The following P4HA3 variants were observed in gnomAD, a reference collection of about 807,000 sequenced individuals.
P4HA3 encodes the protein prolyl 4-hydroxylase subunit alpha-3.
A neutral mutation model predicts 66.7 loss-of-function variants in P4HA3; 60 were observed. That is an observed-to-expected ratio of 0.90 (90% CI 0.73 to 1.12). The LOEUF (loss-of-function observed/expected upper bound fraction) is 1.12. Ranked by LOEUF, P4HA3 falls within the 50% of genes most tolerant of loss-of-function variation. P4HA3 has a pLI of 0.00. For synonymous variants in P4HA3, 263 were observed against 274.6 expected (o/e 0.96, Z 0.42); for missense variants, 683 against 685.8 (o/e 1.00, Z 0.05).
At chr11:74,266,110 G>C (rs1289096565), downstream of P4HA3, among the ~76,000 whole-genome samples, 4 of 152,280 alleles carry the variant, frequency 2.6e-5, no homozygotes, top group East Asian at 7.7e-4. Flanking sequence ...GGCCTGAGAA[G>C]TGGGAGTGAA....
At position 74,311,472 on chromosome 11, in the gene P4HA3, AGCCGGCGCTCG is replaced by A; in HGVS notation, c.129_139del (p.Glu44AlafsTer20). 6.5e-7 allele frequency: 1 copy of A among 1,535,920 alleles called. No homozygotes were observed. The highest frequency in any genetic ancestry group is 8.7e-7 in the Non-Finnish European group (1 of 1,148,304). ...CAGGTACCGCCTCAGCAGCCCCAGC[AGCCGGCGCTCG>A]GGCGCCAGGGCGCGCGCCACGCTGG... On this transcript the variant is annotated frameshift_variant, in exon 1 of 13. Transcript: ENST00000331597. LOFTEE classifies it high-confidence loss of function.
chr11:74,298,617 G>A (rs1407875560), intron 3 of P4HA3, among the ~76,000 whole-genome samples: 1 of 152,102 alleles, frequency 6.6e-6, no homozygotes, highest in African/African-American at 2.4e-5. Flanking sequence ...CTCTAATTTG[G>A]GACAGAATAT....
Position 74,267,032 on chromosome 11 carries a change from C to A in P4HA3, c.*216G>T. On this transcript the variant is annotated 3_prime_UTR_variant, in exon 13 of 13. Coordinates refer to ENST00000331597, the MANE Select transcript of P4HA3 (RefSeq NM_182904.5). ...CTCCCCCCTCCTTTGTACTGTGCATCCTACTCTGACTTCCGTGGCTGGGGC... is the reference window on the plus strand; with the variant it reads ...CTCCCCCCTCCTTTGTACTGTGCATACTACTCTGACTTCCGTGGCTGGGGC... The A allele has an allele frequency of 6.5e-7, 1 of 1,533,106 alleles. No individual in the cohort carries two copies. Among genetic ancestry groups the A allele is most frequent in the East Asian group, 2.4e-5 (1 of 40,908 alleles). 95.0% of individuals were successfully genotyped at this position (1,533,106 alleles called of 1,614,324 possible).
At chr11:74,305,330 T>C (rs1459613239) in intron 1 of P4HA3, among the ~76,000 whole-genome samples, 4 of 152,164 alleles carry the variant, frequency 2.6e-5, no homozygotes, top group Non-Finnish European at 5.9e-5. Flanking sequence ...GCTCCTACCA[T>C]GTATTGGCCT....
intron 1 of P4HA3, among the ~76,000 whole-genome samples, chr11:74,308,308 T>C (rs1403450736): frequency 6.6e-6 from 1 of 151,250 alleles, no homozygotes; most frequent in African/African-American, 2.4e-5. Context: ...AGGTCAGGAG[T>C]TCAAGACCAG....
rs1417775461 is a variant in P4HA3, at chr11:74,292,859, C to T, written c.718-3729G>A. ...TTTACATTTGCTGAGGAGTGCTTTACTTCCAACTATGTGGTCAATTTTGGA... is the reference window on the plus strand; with the variant it reads ...TTTACATTTGCTGAGGAGTGCTTTATTTCCAACTATGTGGTCAATTTTGGA... On this transcript the variant is annotated intron_variant, in intron 4 of 12. Transcript: ENST00000331597. Among the ~76,000 whole-genome samples, 6 of 151,966 alleles carry T rather than the reference C, an allele frequency of 3.9e-5. No individual in the cohort carries two copies. The East Asian group carries it at 1.2e-3, about 29-fold the overall frequency.
chr11:74,295,748 A>G (rs957408764), intron 4 of P4HA3, among the ~76,000 whole-genome samples: 6 of 152,210 alleles, frequency 3.9e-5, no homozygotes, highest in African/African-American at 1.2e-4. Context: ...TAGGCCACAG[A>G]GAACCTAACC....
chr11:74,260,072 T>C (rs1169910321), exon 15 of P4HA3: 1 of 152,234 alleles, frequency 6.6e-6, no homozygotes, highest in Non-Finnish European at 1.5e-5. Context: ...GTGACACTTA[T>C]TTTCTGTTTT....
Position 74,285,974 on chromosome 11 carries a change from G to C in P4HA3, c.945C>G (p.Tyr315Ter). The C allele has an allele frequency of 1.9e-6, 3 of 1,607,510 alleles. No individual in the cohort carries two copies. Among genetic ancestry groups the C allele is most frequent in the Non-Finnish European group, 2.6e-6 (3 of 1,174,070 alleles). ...CQTLGSQPTL[Y>*]QIPSLYCSYE... ...AGGAACAGTAGAGGCTAGGGATCTG[G>C]TAGAGAGTGGGCTGGAAGGAAAGAA... The change falls in exon 7 of 13, where the codon TAC becomes TAG. Residue 315 changes from tyrosine to a stop codon, truncating the protein, a stop_gained. Transcript: ENST00000331597. LOFTEE classifies it high-confidence loss of function.
At chr11:74,253,546 T>C in intron 15 of P4HA3, 1 of 1,581,742 alleles carries the variant, frequency 6.3e-7, no homozygotes, top group South Asian at 1.1e-5. Flanking sequence ...CATCGAGCTC[T>C]GTTGTAAATA....
At chr11:74,262,257 C>A (rs185018209), downstream of P4HA3, among the ~76,000 whole-genome samples, 51 of 152,242 alleles carry the variant, frequency 3.3e-4, no homozygotes, top group Non-Finnish European at 6.3e-4. Context: ...ACCAGGCTAC[C>A]CATTTCTAAT....
chr11:74,277,092 T>C lies in P4HA3; in HGVS notation c.1228A>G (p.Ile410Val). The change falls in exon 9 of 13, where the codon ATT (isoleucine) becomes GTT (valine). Residue 410 changes from isoleucine (I) to valine (V), a missense_variant. Ile to Val is a conservative substitution (Grantham distance 29). Coordinates refer to ENST00000331597, the MANE Select transcript of P4HA3 (RefSeq NM_182904.5). ...DPKLVTLNHR[I>V]AALTGLDVRP... The stretch of plus-strand genomic sequence containing the variant: ...ACATCAAGGCCTGTGAGGGCAGCAA[T>C]GCGGTGGTTGAGGGTCACCAGTTTT... 1.2e-6 allele frequency: 2 copies of C among 1,614,064 alleles called. No individual in the cohort carries two copies. The highest frequency in any genetic ancestry group is 1.7e-6 in the Non-Finnish European group (2 of 1,179,986).
At chr11:74,300,596 A>T (rs1757235218) in intron 3 of P4HA3, among the ~76,000 whole-genome samples, 1 of 152,196 alleles carries the variant, frequency 6.6e-6, no homozygotes, top group South Asian at 2.1e-4. Context: ...TGATTGTGTC[A>T]CTGCACTTAC....
At chr11:74,300,640 AAG>A (rs1472096692) in intron 3 of P4HA3, among the ~76,000 whole-genome samples, 4 of 152,186 alleles carry the variant, frequency 2.6e-5, no homozygotes, top group East Asian at 1.9e-4. Context: ...AGAAAACAAA[AAG>A]AATTTCATAA....
downstream of P4HA3, among the ~76,000 whole-genome samples, chr11:74,262,506 C>T (rs1427365305): frequency 6.6e-5 from 10 of 152,248 alleles, no homozygotes; most frequent in South Asian, 1.5e-3. Context: ...GTTAGGGGAA[C>T]GGGGAGACTT....
At chr11:74,261,888 T>C (rs562141950), downstream of P4HA3, among the ~76,000 whole-genome samples, 1 of 152,290 alleles carries the variant, frequency 6.6e-6, no homozygotes, top group South Asian at 2.1e-4. Flanking sequence ...CTATGGCGCT[T>C]TGGAAAAAGC....
chr11:74,280,516 A>T (rs1245146504), intron 7 of P4HA3, among the ~76,000 whole-genome samples: 1 of 152,176 alleles, frequency 6.6e-6, no homozygotes, highest in Non-Finnish European at 1.5e-5. Flanking sequence ...CAGAAAGAGA[A>T]ATATTATTTA....
intron 9 of P4HA3, among the ~76,000 whole-genome samples, chr11:74,276,233 G>T (rs1860389002): frequency 6.6e-6 from 1 of 152,178 alleles, no homozygotes; most frequent in Non-Finnish European, 1.5e-5. Flanking sequence ...GGGTACACTA[G>T]AAGTGTGGTC....
intron 10 of P4HA3, among the ~76,000 whole-genome samples, chr11:74,272,146 C>T (rs556874068): frequency 1.4e-4 from 21 of 152,286 alleles, no homozygotes; most frequent in African/African-American, 5.1e-4. Context: ...TCCACTCTGT[C>T]TCAAATACTT....
Sources: gnomAD v4.1 joint callset for allele counts (sites outside exome capture counted in the v4.1 genomes callset) on GRCh38, gnomAD v4.1.1 for gene constraint, MANE v1.5 for transcripts, NCBI Gene and HGNC (gene_info 2026-07-23, HGNC 2026-07-21) for gene names.